SMARCA5: variants seen among roughly 807,000 people sequenced by gnomAD.
SMARCA5 encodes SWI/SNF-related matrix-associated actin-dependent regulator of chromatin subfamily A member 5.
Under a neutral mutation model 140.4 loss-of-function variants are expected in SMARCA5, and 18 were observed. The ratio of observed to expected loss-of-function variants is 0.13; its 90% CI spans 0.09 to 0.19. SMARCA5 has a LOEUF of 0.19. SMARCA5 is among the 10% of genes least tolerant of loss of function. SMARCA5 has a pLI of 1.00. For missense variants in SMARCA5, 606 were observed against 1,276.8 expected (o/e 0.47, Z 8.01); for synonymous variants, 449 against 419.6 (o/e 1.07, Z -0.86).
chr4:143,554,977 G>GC lies in SMARCA5; in HGVS notation c.*1795dup, dbSNP rs970510004. 9 of 453,888 alleles carry GC rather than the reference G, an allele frequency of 2.0e-5. No individual in the cohort carries two copies. Among genetic ancestry groups the GC allele is most frequent in the African/African-American group, 1.8e-4 (9 of 49,922 alleles). The allele number at this position is 453,888 out of a possible 1,614,324, so 28.1% of individuals were successfully genotyped here. On this transcript the variant is annotated 3_prime_UTR_variant, in exon 24 of 24. Coordinates refer to ENST00000283131, the MANE Select transcript of SMARCA5 (RefSeq NM_003601.4). ...AAAAAGCATGAACCAGCTAGGCCCT[G>GC]CCACCACTGTGTTTGGCCAAGTTCA... is the stretch of plus-strand genomic sequence containing the variant.
chr4:143,540,858 T>G (rs902483217), intron 14 of SMARCA5, among the ~76,000 whole-genome samples: 4 of 152,324 alleles, frequency 2.6e-5, no homozygotes, highest in African/African-American at 4.8e-5. Context: ...ATGATTTATA[T>G]GTACTAACTA....
chr4:143,514,250 A>ACT, intron 1 of SMARCA5, 149 bp downstream of exon 1: 1 of 707,166 alleles, frequency 1.4e-6, no homozygotes, highest in Non-Finnish European at 2.2e-6. Context: ...TGATGCTCTC[A>ACT]CTCTTGCTCC....
intron 11 of SMARCA5, 49 bp downstream of exon 11, chr4:143,536,727 G>A (rs1000762918): frequency 3.8e-6 from 5 of 1,311,686 alleles, no homozygotes; most frequent in Middle Eastern, 1.8e-4. Context: ...AAATGCTCAT[G>A]TTAAAACAAA....
At chr4:143,547,618 C>A in intron 21 of SMARCA5, 115 bp downstream of exon 21, 1 of 653,902 alleles carries the variant, frequency 1.5e-6, no homozygotes. Flanking sequence ...AAAATTTCTT[C>A]AGAGTAGCAT....
intron 11 of SMARCA5, among the ~76,000 whole-genome samples, chr4:143,536,944 T>C (rs929809298): frequency 1.3e-5 from 2 of 152,240 alleles, no homozygotes; most frequent in Non-Finnish European, 2.9e-5. Context: ...CTAGAAATTA[T>C]AGCTTTCTGT....
intron 5 of SMARCA5, among the ~76,000 whole-genome samples, 151 bp from the exon 6 acceptor site, chr4:143,526,126 CACTT>C (rs1336234039): frequency 1.3e-5 from 2 of 152,128 alleles, no homozygotes; most frequent in African/African-American, 4.8e-5. Context: ...TATGACATAA[CACTT>C]ACAAACTTTG....
chr4:143,527,639 C>T (rs1161879195), intron 6 of SMARCA5, among the ~76,000 whole-genome samples: 1 of 152,126 alleles, frequency 6.6e-6, no homozygotes, highest in Non-Finnish European at 1.5e-5. Context: ...GAATTTTTCA[C>T]TGGTTAACTT....
In SMARCA5 at chr4:143,513,820, CTCCTCCA is replaced by C; in HGVS notation, c.-104_-98del. On this transcript the variant is annotated 5_prime_UTR_variant, in exon 1 of 24. Coordinates refer to ENST00000283131, the MANE Select transcript of SMARCA5 (RefSeq NM_003601.4). ...GGGGAGCGCTCGGGTGGGAGTCTCG[CTCCTCCA>C]CCAGTTTATTGCGACGTAGCATCCA... 1.5e-6 allele frequency: 2 copies of C among 1,325,426 alleles called. No homozygotes were observed. Among genetic ancestry groups the C allele is most frequent in the Non-Finnish European group, 2.0e-6 (2 of 982,598 alleles). 82.1% of individuals were successfully genotyped at this position (1,325,426 alleles called of 1,614,324 possible). A position where few individuals can be genotyped will look rare whatever the true frequency, so the allele number is the denominator to read the frequency against.
intron 14 of SMARCA5, among the ~76,000 whole-genome samples, chr4:143,542,483 A>T (rs928912679): frequency 6.6e-6 from 1 of 152,204 alleles, no homozygotes; most frequent in African/African-American, 2.4e-5. Flanking sequence ...GTAGCATCCA[A>T]TCCAAGGAAA....
intron 14 of SMARCA5, among the ~76,000 whole-genome samples, chr4:143,542,223 G>GT (rs1380508634): frequency 2.0e-5 from 3 of 151,962 alleles, no homozygotes; most frequent in Non-Finnish European, 2.9e-5. Flanking sequence ...AAATCTTGAG[G>GT]TTTTTTTACT....
chr4:143,554,916 C>T lies in SMARCA5; in HGVS notation c.*1732C>T. 1 of 344,574 alleles carries T rather than the reference C, an allele frequency of 2.9e-6. No homozygotes were observed. The highest frequency in any genetic ancestry group is 5.6e-6 in the Non-Finnish European group (1 of 179,954). 21.3% of individuals were successfully genotyped at this position (344,574 alleles called of 1,614,324 possible). A position where few individuals can be genotyped will look rare whatever the true frequency, so the allele number is the denominator to read the frequency against. ...TGGTAGCCCTGAGAGCTTAGGGACT[C>T]AAATGGAAACTGTGTGAAGGGAAAC... On this transcript the variant is annotated 3_prime_UTR_variant, in exon 24 of 24. Transcript: ENST00000283131.
At chr4:143,520,832 G>A (rs985050245) in intron 2 of SMARCA5, among the ~76,000 whole-genome samples, 1 of 151,574 alleles carries the variant, frequency 6.6e-6, no homozygotes, top group Non-Finnish European at 1.5e-5. Context: ...CCATTCTCTC[G>A]GTATTATAAT....
At chr4:143,514,894 G>C (rs1183653966) in intron 1 of SMARCA5, among the ~76,000 whole-genome samples, 1 of 152,042 alleles carries the variant, frequency 6.6e-6, no homozygotes, top group Non-Finnish European at 1.5e-5. Context: ...AGTACCACTC[G>C]CTGCCGAGAC....
At chr4:143,530,970 C>T (rs1737172460) in intron 9 of SMARCA5, among the ~76,000 whole-genome samples, 1 of 152,150 alleles carries the variant, frequency 6.6e-6, no homozygotes, top group Non-Finnish European at 1.5e-5. Context: ...CTCTGGCCAC[C>T]ATGCCCAGCT....
chr4:143,539,975 A>G (rs959369953), intron 13 of SMARCA5, among the ~76,000 whole-genome samples: 3 of 152,244 alleles, frequency 2.0e-5, no homozygotes, highest in Non-Finnish European at 4.4e-5. Flanking sequence ...GACTACTTGT[A>G]TATAGTTAAT....
intron 21 of SMARCA5, 108 bp from the exon 22 acceptor site, chr4:143,547,820 A>C (rs1159950819): frequency 3.0e-6 from 2 of 658,318 alleles, no homozygotes; most frequent in African/African-American, 3.6e-5. Flanking sequence ...CTAGATAGAA[A>C]ATTCTGATTT....
At chr4:143,525,045 CTT>C (rs57339802) in intron 4 of SMARCA5, among the ~76,000 whole-genome samples, 167 of 137,500 alleles carry the variant, frequency 1.2e-3, no homozygotes, top group Admixed American at 1.9e-3. Context: ...TTTCCTATTT[CTT>C]TTTTTTTTTT....
intron 8 of SMARCA5, among the ~76,000 whole-genome samples, chr4:143,529,109 G>GT (rs1737130895): frequency 6.6e-6 from 1 of 151,884 alleles, no homozygotes; most frequent in Admixed American, 6.6e-5. Context: ...TAGTTTCTGT[G>GT]TTTTTTGTAG....
At chr4:143,527,816 G>A (rs1027761758) in intron 6 of SMARCA5, 52 bp from the exon 7 acceptor site, 23 of 1,471,484 alleles carry the variant, frequency 1.6e-5, no homozygotes, top group Admixed American at 2.2e-5. Flanking sequence ...ATCAGTAAAT[G>A]TAATGCGTAG....
Sources: gnomAD v4.1 joint callset for allele counts (sites outside exome capture counted in the v4.1 genomes callset) on GRCh38, gnomAD v4.1.1 for gene constraint, MANE v1.5 for transcripts, NCBI Gene and HGNC (gene_info 2026-07-23, HGNC 2026-07-21) for gene names.